The following CCDC88C variants were observed in gnomAD, a reference collection of about 807,000 sequenced individuals.
CCDC88C encodes protein Daple.
Under a neutral mutation model 198.8 loss-of-function variants are expected in CCDC88C, and 131 were observed. The ratio of observed to expected loss-of-function variants is 0.66; its 90% confidence interval spans 0.57 to 0.76. The LOEUF (loss-of-function observed/expected upper bound fraction) is 0.76, where lower values mean the gene tolerates loss of function less well. Ranked by LOEUF, CCDC88C falls within the 30% of genes least tolerant of loss-of-function variation. The pLI is 0.00. For missense variants in CCDC88C, 2,553 were observed against 2,631.6 expected (o/e 0.97, Z 0.65); for synonymous variants, 1,166 against 1,114.7 (o/e 1.05, Z -0.92).
intron 13 of CCDC88C, among the ~76,000 whole-genome samples, chr14:91,316,288 A>T (rs1446686439): frequency 6.6e-6 from 1 of 152,168 alleles, no homozygotes; most frequent in Non-Finnish European, 1.5e-5. Flanking sequence ...CCACCCAGTG[A>T]TCTCCTTGAC....
At chr14:91,384,622 C>T (rs977911313) in intron 3 of CCDC88C, 1 of 400,692 alleles carries the variant, frequency 2.5e-6, no homozygotes, top group East Asian at 7.3e-5. Flanking sequence ...GCACACTACG[C>T]ACTGGCACCG....
intron 3 of CCDC88C, among the ~76,000 whole-genome samples, chr14:91,363,757 C>T (rs1270677600): frequency 6.6e-6 from 1 of 152,238 alleles, no homozygotes; most frequent in Non-Finnish European, 1.5e-5. Flanking sequence ...CCCTGAAGGC[C>T]ACATGCGACT....
In CCDC88C at chr14:91,313,454, C is replaced by A; in HGVS notation, c.2362G>T (p.Glu788Ter). 1 of 1,607,800 alleles carries A rather than the reference C, an allele frequency of 6.2e-7. No homozygotes were observed. The highest frequency in any genetic ancestry group is 1.1e-5 in the South Asian group (1 of 91,080). Residue 788 changes from glutamate (E) to a stop codon, truncating the protein, a stop_gained, in exon 15 of 30, where the codon GAG (glutamate) becomes TAG (stop). Transcript: ENST00000389857. LOFTEE classifies it high-confidence loss of function. The surrounding 1 kb of genome is among the most constrained non-coding windows in gnomAD (Gnocchi z 5.2). ...CGCTCAGCCTCCAGCTCGCCCAGCT[C>A]ACTCTCCAAGGTCTGCGTCTTGTGG... The part of the protein sequence containing the change: ...SSHKTQTLES[E>*]LGELEAERQA...
intron 3 of CCDC88C, chr14:91,379,826 C>A (rs746478271): frequency 1.4e-6 from 1 of 702,844 alleles, no homozygotes; most frequent in Non-Finnish European, 2.6e-6. Context: ...GAAGCCAATG[C>A]GAAAACTCAA....
chr14:91,389,730 A>T (rs1885369793), intron 3 of CCDC88C, among the ~76,000 whole-genome samples: 1 of 151,288 alleles, frequency 6.6e-6, no homozygotes, highest in African/African-American at 2.4e-5. Flanking sequence ...AAAAATAAAA[A>T]AAAAAAAAGA....
In CCDC88C at chr14:91,288,542, C is replaced by CT. The variant is rs1890517259; in HGVS notation, c.4441+562_4441+563insA. Among the ~76,000 whole-genome samples, 1 of 152,224 alleles carries CT rather than the reference C, an allele frequency of 6.6e-6. No individual in the cohort carries two copies. The highest frequency in any genetic ancestry group is 1.5e-5 in the Non-Finnish European group (1 of 68,046). ...ATGTCGCTTGTCTCTATGGTACCTG[C>CT]ACGAATGTCAGCTTTGGATATTGAG... On this transcript the variant is annotated intron_variant, in intron 25 of 29. Coordinates refer to ENST00000389857, the MANE Select transcript of CCDC88C (RefSeq NM_001080414.4). This position sits in a 1 kb window ranked among gnomAD's most constrained non-coding sequence, Gnocchi z 4.2.
At position 91,320,123 on chromosome 14, in the gene CCDC88C, T is replaced by C. The variant is rs556839298; in HGVS notation, c.1527+997A>G. On this transcript the variant is annotated intron_variant, in intron 13 of 29. Transcript: ENST00000389857. ...AAAACCCTTGGAATCTCCAAAGGGA[T>C]AGGTGTCTTTCTTGTATGCTAAGAT... Among the ~76,000 whole-genome samples the C allele has an allele frequency of 6.7e-5, 10 of 149,492 alleles. No homozygotes were observed. In the South Asian group the frequency reaches 2.1e-3, roughly 32 times the overall value.
intron 29 of CCDC88C, among the ~76,000 whole-genome samples, chr14:91,275,014 G>A (rs967257237): frequency 6.6e-6 from 1 of 152,062 alleles, no homozygotes; most frequent in South Asian, 2.1e-4. Flanking sequence ...CTGCATCATC[G>A]ACGCCCAGAG....
At position 91,352,315 on chromosome 14, in the gene CCDC88C, G is replaced by A. The variant is rs146700832; in HGVS notation, c.340+7327C>T. Among the ~76,000 whole-genome samples the A allele has an allele frequency of 1.1e-4, 17 of 152,290 alleles. No individual in the cohort carries two copies. Among genetic ancestry groups the A allele is most frequent in the East Asian group, 3.9e-4 (2 of 5,162 alleles). ...GTGCTTGGAGGCCGGCGTGTGGGCC[G>A]CACTGTGACGCTCGGCTGGGCTTGG... is the stretch of plus-strand genomic sequence containing the variant. On this transcript the variant is annotated intron_variant, in intron 4 of 29. Coordinates refer to ENST00000389857, the MANE Select transcript of CCDC88C (RefSeq NM_001080414.4). This position sits in a 1 kb window ranked among gnomAD's most constrained non-coding sequence, Gnocchi z 4.2.
Position 91,417,651 on chromosome 14 carries a change from G to C in CCDC88C, c.40C>G (p.Gln14Glu). The stretch of plus-strand genomic sequence containing the variant: ...CTCACCCAGGTCACCAGCGGGCTCT[G>C]CAGGAAGAGCTCCAGGAGCTCCGAG... ...TVSELLELFL[Q>E]SPLVTWVKTF... Residue 14 changes from glutamine to glutamate, a missense_variant, in exon 1 of 30, where the codon CAG becomes GAG. This residue lies in a region of CCDC88C where 1,260 missense variants were observed against 1,412.0 expected (regional missense o/e 0.89). Transcript: ENST00000389857. 1 of 1,590,194 alleles carries C rather than the reference G, an allele frequency of 6.3e-7. No individual in the cohort carries two copies. The highest frequency in any genetic ancestry group is 1.7e-4 in the Middle Eastern group (1 of 5,870).
At chr14:91,343,488 G>A in intron 5 of CCDC88C, 111 bp downstream of exon 5, 2 of 1,514,018 alleles carry the variant, frequency 1.3e-6, no homozygotes, top group Non-Finnish European at 1.8e-6. Flanking sequence ...CTGTCATATT[G>A]GACTGAAAGG....
rs944010898 is a variant in CCDC88C at position 91,273,749 on chromosome 14, G to A, written c.5059-96C>T. On this transcript the variant is annotated intron_variant, in intron 29 of 29. Transcript: ENST00000389857. The surrounding 1 kb of genome is among the most constrained non-coding windows in gnomAD (Gnocchi z 5.6). ...CGGGACGCCCCCGAGCAGCCCACGT[G>A]GCTGGGACCGCAGTTCCTGCCTGCC... 1.3e-5 allele frequency: 14 copies of A among 1,085,228 alleles called. No homozygotes were observed. The African/African-American group carries it at 1.6e-4, about 13-fold the overall frequency. The allele number at this position is 1,085,228 out of a possible 1,614,324, so 67.2% of individuals were successfully genotyped here.
chr14:91,350,268 C>T (rs1294436401), intron 4 of CCDC88C, among the ~76,000 whole-genome samples: 1 of 151,898 alleles, frequency 6.6e-6, no homozygotes, highest in Non-Finnish European at 1.5e-5. Flanking sequence ...TCAAGAGATT[C>T]TCCTGCCTCG....
chr14:91,355,043 G>T (rs541464298), intron 4 of CCDC88C, among the ~76,000 whole-genome samples: 7 of 152,336 alleles, frequency 4.6e-5, no homozygotes, highest in African/African-American at 1.7e-4. Context: ...ACAGGCCCTA[G>T]TGCCCGGAGC....
chr14:91,315,907 A>G, intron 13 of CCDC88C, 120 bp from the exon 14 acceptor site: 1 of 982,938 alleles, frequency 1.0e-6, no homozygotes, highest in Non-Finnish European at 1.5e-6. Context: ...TCAAGGGAAG[A>G]CCTCCTGACA....
intron 23 of CCDC88C, among the ~76,000 whole-genome samples, chr14:91,293,275 G>A (rs760300537): frequency 2.0e-3 from 75 of 38,344 alleles, no homozygotes; most frequent in Admixed American, 6.0e-3. Context: ...CACCTGCCAC[G>A]GCCGACCTTC....
intron 3 of CCDC88C, among the ~76,000 whole-genome samples, chr14:91,373,505 C>CA (rs913623675): frequency 7.9e-5 from 12 of 152,228 alleles, no homozygotes; most frequent in Middle Eastern, 3.4e-3. Flanking sequence ...CTCGCTCCTC[C>CA]AAAAAAGCTT....
intron 21 of CCDC88C, among the ~76,000 whole-genome samples, chr14:91,299,169 T>A (rs1411911070): frequency 6.6e-6 from 1 of 152,224 alleles, no homozygotes; most frequent in Non-Finnish European, 1.5e-5. Flanking sequence ...GGGTTTCTGT[T>A]TGAAGATACC....
intron 16 of CCDC88C, among the ~76,000 whole-genome samples, chr14:91,309,296 A>AT (rs986569841): frequency 1.3e-5 from 2 of 152,134 alleles, no homozygotes; most frequent in African/African-American, 2.4e-5. Flanking sequence ...TAATAGTCTA[A>AT]TTTTTTAAAA....
Sources: gnomAD v4.1 joint callset for allele counts (sites outside exome capture counted in the v4.1 genomes callset) on GRCh38, gnomAD v4.1.1 for gene constraint, gnomAD v4.1.1 regional missense constraint, Gnocchi (gnomAD v3.1) non-coding constraint, MANE v1.5 for transcripts, NCBI Gene and HGNC (gene_info 2026-07-23, HGNC 2026-07-21) for gene names.